Variants in IQSEC3 observed in about 807,000 individuals in gnomAD.
The protein encoded by IQSEC3 is IQ motif and Sec7 domain ArfGEF 3, also known as IQ motif and SEC7 domain-containing protein 3.
In IQSEC3, 50 loss-of-function variants were observed where a neutral mutation model predicts 105.4. The observed-to-expected ratio is 0.47, with a 90% CI of 0.38 to 0.60. The LOEUF (loss-of-function observed/expected upper bound fraction) is 0.60. IQSEC3 is among the 20% of genes least tolerant of loss of function. The pLI is 0.00. For synonymous variants in IQSEC3, 708 were observed against 746.0 expected (o/e 0.95, Z 0.83); for missense variants, 1,415 against 1,630.0 (o/e 0.87, Z 2.27).
chr12:150,665 T>C (rs561598557), intron 5 of IQSEC3, among the ~76,000 whole-genome samples: 3 of 152,138 alleles, frequency 2.0e-5, no homozygotes, highest in Non-Finnish European at 4.4e-5. Flanking sequence ...TTTGGCCACA[T>C]AGCAACCAGC....
chr12:158,744 C>T (rs1447145051), intron 7 of IQSEC3, among the ~76,000 whole-genome samples: 1 of 152,188 alleles, frequency 6.6e-6, no homozygotes, highest in Non-Finnish European at 1.5e-5. Context: ...CTGCAACCTC[C>T]ACCTCCCAGG....
At chr12:112,321 T>A (rs1373431910) in intron 2 of IQSEC3, among the ~76,000 whole-genome samples, 1 of 111,382 alleles carries the variant, frequency 9.0e-6, no homozygotes, top group Admixed American at 9.8e-5. Context: ...GGTGGGGAAG[T>A]GGGGGAGGCC....
In IQSEC3 at chr12:157,557, T is replaced by G; in HGVS notation, c.2306T>G (p.Val769Gly). 8 of 1,614,040 alleles carry G rather than the reference T, an allele frequency of 5.0e-6. No homozygotes were observed. The highest frequency in any genetic ancestry group is 6.8e-6 in the Non-Finnish European group (8 of 1,179,954). ...SQRYCMCNPEVVQQFHNPDTI... is the reference protein window; with the variant it reads ...SQRYCMCNPEGVQQFHNPDTI... ...CGCTACTGCATGTGCAACCCCGAAG[T>G]GGTTCAGCAGTTCCACAACCCCGAC... Residue 769 changes from valine to glycine, a missense_variant, in exon 7 of 14, where the codon GTG (valine) becomes GGG (glycine). Physicochemically the swap from Val to Gly is moderately radical, Grantham distance 109 (BLOSUM62 -3). Transcript: ENST00000538872.
chr12:139,554 GTTTAT>G (rs1865931960), intron 4 of IQSEC3, 200 bp downstream of exon 4: 1 of 441,518 alleles, frequency 2.3e-6, no homozygotes, highest in Non-Finnish European at 4.0e-6. Flanking sequence ...ATCATCCTGA[GTTTAT>G]TTTAAGAAAG....
chr12:98,493 C>T (rs868908742), intron 1 of IQSEC3, among the ~76,000 whole-genome samples: 4 of 152,112 alleles, frequency 2.6e-5, no homozygotes, highest in Middle Eastern at 3.2e-3. Flanking sequence ...TCCCTTATTT[C>T]ATTAGTAAGT....
intron 13 of IQSEC3, chr12:171,595 C>T (rs2291918): frequency 0.38 from 211,022 of 548,406 alleles, 42,324 homozygotes; most frequent in East Asian, 0.59. Flanking sequence ...TGGGCTCCCT[C>T]GGAGAATTAC....
At chr12:140,080 C>A (rs139754755) in intron 4 of IQSEC3, among the ~76,000 whole-genome samples, 6 of 152,288 alleles carry the variant, frequency 3.9e-5, no homozygotes, top group Admixed American at 1.3e-4. Flanking sequence ...CATAACCCTG[C>A]GCCAAGAGCA....
At chr12:111,837 G>A (rs1393603319) in intron 2 of IQSEC3, 1 of 152,196 alleles carries the variant, frequency 6.6e-6, no homozygotes, top group Non-Finnish European at 1.5e-5. Flanking sequence ...ACCAGGTTGT[G>A]AGAAACAGAC....
Position 139,060 on chromosome 12 carries a change from C to T in IQSEC3, c.1697C>T (p.Ala566Val), listed in dbSNP as rs1555088106. ...EAAASGAADG[A>V]TAPKTEEEEE... ...GCGGCTAGTGGGGCGGCGGATGGGG[C>T]CACAGCCCCCAAAACAGAGGAGGAA... Residue 566 changes from alanine to valine, a missense_variant, in exon 4 of 14, where the codon GCC becomes GTC. Ala to Val is a moderately conservative substitution (Grantham distance 64). This residue lies in a region of IQSEC3 where 720 missense variants were observed against 633.0 expected (regional missense o/e 1.14). Coordinates refer to ENST00000538872, the MANE Select transcript of IQSEC3 (RefSeq NM_001170738.2). 6.7e-7 allele frequency: 1 copy of T among 1,487,530 alleles called. No individual in the cohort carries two copies. The highest frequency in any genetic ancestry group is 2.5e-5 in the East Asian group (1 of 40,692). The allele number at this position is 1,487,530 out of a possible 1,614,324, so 92.1% of individuals were successfully genotyped here.
chr12:84,105 G>T (rs778205829), intron 1 of IQSEC3, among the ~76,000 whole-genome samples: 6 of 152,206 alleles, frequency 3.9e-5, no homozygotes, highest in Non-Finnish European at 4.4e-5. Flanking sequence ...CCTGTGGTGT[G>T]GGAAGTGCTT....
intron 4 of IQSEC3, chr12:139,779 G>C (rs1555088534): frequency 1.3e-5 from 2 of 157,292 alleles, no homozygotes; most frequent in African/African-American, 4.8e-5. Context: ...TGAAATGCGA[G>C]GCTGGGTGGG....
chr12:116,566 G>A (rs560876185), intron 2 of IQSEC3, among the ~76,000 whole-genome samples: 1 of 152,354 alleles, frequency 6.6e-6, no homozygotes, highest in African/African-American at 2.4e-5. Flanking sequence ...TTTTCTAAAA[G>A]TCTTCCTTGC....
chr12:101,122 G>A (rs1864408499), intron 2 of IQSEC3, among the ~76,000 whole-genome samples: 1 of 152,160 alleles, frequency 6.6e-6, no homozygotes, highest in African/African-American at 2.4e-5. Context: ...GGCAGGGGCG[G>A]GCACCAGAGA....
chr12:95,309 T>C (rs559667033), intron 1 of IQSEC3, among the ~76,000 whole-genome samples: 13 of 152,332 alleles, frequency 8.5e-5, no homozygotes, highest in Admixed American at 1.3e-4. Context: ...GTTTGTTGCA[T>C]CAATTATTAG....
intron 4 of IQSEC3, chr12:140,480 A>G (rs1308880637): frequency 2.6e-5 from 4 of 152,256 alleles, no homozygotes; most frequent in African/African-American, 9.6e-5. Flanking sequence ...AGGAATTCTT[A>G]AACTATCCAT....
At chr12:119,676 G>A (rs1485310257) in intron 2 of IQSEC3, among the ~76,000 whole-genome samples, 3 of 152,192 alleles carry the variant, frequency 2.0e-5, no homozygotes, top group African/African-American at 4.8e-5. Context: ...AGAGTCTACC[G>A]CAAAAGCCCA....
At chr12:155,290 G>A (rs75588795) in intron 5 of IQSEC3, among the ~76,000 whole-genome samples, 2 of 152,172 alleles carry the variant, frequency 1.3e-5, no homozygotes, top group Non-Finnish European at 2.9e-5. Context: ...CTCATGCTTG[G>A]GCAAGATGCT....
At chr12:108,236 C>A (rs1555078561) in intron 2 of IQSEC3, among the ~76,000 whole-genome samples, 3 of 152,242 alleles carry the variant, frequency 2.0e-5, no homozygotes, top group East Asian at 1.9e-4. Flanking sequence ...TATACCAATT[C>A]TTTCTACCTG....
intron 1 of IQSEC3, among the ~76,000 whole-genome samples, chr12:71,544 A>C (rs1863318804): frequency 6.6e-6 from 1 of 152,294 alleles, no homozygotes; most frequent in African/African-American, 2.4e-5. Flanking sequence ...ACTGAAGTCA[A>C]AGGTTTATGT....
Sources: allele counts gnomAD v4.1 joint callset (sites outside exome capture counted in the v4.1 genomes callset), GRCh38; gene constraint gnomAD v4.1.1; regional missense constraint gnomAD v4.1.1; transcripts MANE v1.5; gene names NCBI Gene and HGNC (gene_info 2026-07-23, HGNC 2026-07-21).